The following OTOGL variants were observed in gnomAD, a reference collection of about 807,000 sequenced individuals.
OTOGL encodes the protein otogelin like.
OTOGL carries 285 observed loss-of-function variants against 318.5 expected under a neutral mutation model. The observed-to-expected ratio is 0.89, with a 90% CI of 0.81 to 0.99. The LOEUF (loss-of-function observed/expected upper bound fraction) is 0.99. Ranked by LOEUF, OTOGL falls within the 50% of genes least tolerant of loss-of-function variation. The probability of loss-of-function intolerance (pLI) is 0.00; values close to 1 mark genes in which losing one functional copy is unlikely to be tolerated. For missense variants in OTOGL, 2,899 were observed against 2,845.6 expected (o/e 1.02, Z -0.43); for synonymous variants, 987 against 936.5 (o/e 1.05, Z -0.99).
At chr12:80,115,507 A>G (rs1316434187) in intron 1 of OTOGL, among the ~76,000 whole-genome samples, 1 of 152,008 alleles carries the variant, frequency 6.6e-6, no homozygotes, top group Non-Finnish European at 1.5e-5. Flanking sequence ...GTGTCTCCCC[A>G]TCAGTAGGCA....
chr12:80,229,395 A>G lies in OTOGL; in HGVS notation c.611+17A>G, dbSNP rs1231910679. 1 of 1,588,798 alleles carries G rather than the reference A, an allele frequency of 6.3e-7. No individual in the cohort carries two copies. Among genetic ancestry groups the G allele is most frequent in the African/African-American group, 1.3e-5 (1 of 74,668 alleles). On this transcript the variant is annotated intron_variant, in intron 8 of 58. Transcript: ENST00000547103. ...TGGAATCAGGTAGGATATGGGAAAC[A>G]GTGAAATGTCAGTAACACCACAAAT...
intron 32 of OTOGL, among the ~76,000 whole-genome samples, chr12:80,315,101 T>C (rs1245108514): frequency 3.3e-5 from 5 of 152,180 alleles, no homozygotes; most frequent in Non-Finnish European, 4.4e-5. Context: ...AAAGGGCAGA[T>C]GTTGGTCAAA....
At chr12:80,262,229 A>ATT (rs557089482) in intron 19 of OTOGL, 136 bp downstream of exon 19, 16 of 872,468 alleles carry the variant, frequency 1.8e-5, no homozygotes, top group African/African-American at 7.2e-5. Flanking sequence ...TTCCTCGTGT[A>ATT]TTTTTTTTTT....
chr12:80,184,324 A>T (rs1875135889), intron 1 of OTOGL, among the ~76,000 whole-genome samples: 1 of 152,226 alleles, frequency 6.6e-6, no homozygotes, highest in Non-Finnish European at 1.5e-5. Flanking sequence ...GTGTTAACAC[A>T]TCACTTTAAT....
chr12:80,323,706 A>G lies in OTOGL; in HGVS notation c.4082-17A>G, dbSNP rs752107819. The G allele has an allele frequency of 5.1e-6, 8 of 1,580,052 alleles. No individual in the cohort carries two copies. The Admixed American group carries it at 1.3e-4, about 27-fold the overall frequency. On this transcript the variant is annotated splice_polypyrimidine_tract_variant and intron_variant, in intron 34 of 58. Coordinates refer to ENST00000547103, the MANE Select transcript of OTOGL (RefSeq NM_001378609.3). ...TGTATTAAATATGCACACAATCTAA[A>G]CTTTATTTTTTCCCAGAAATCCAGG...
In OTOGL at chr12:80,370,602, A is replaced by C. The variant is rs759741852; in HGVS notation, c.6648A>C (p.Thr2216=). The C allele has an allele frequency of 1.5e-5, 24 of 1,579,546 alleles. No homozygotes were observed. Among genetic ancestry groups the C allele is most frequent in the Non-Finnish European group, 2.0e-5 (23 of 1,162,150 alleles). Reference sequence around the variant, plus strand: ...GTACCTGGCACTACAATTGCACCACATATGAATGTGTTAAAACTGATGAAG... The same window carrying C: ...GTACCTGGCACTACAATTGCACCACCTATGAATGTGTTAAAACTGATGAAG... ...VGSTWHYNCT[T]YECVKTDEGA... Residue 2216 remains threonine, a synonymous_variant, in exon 56 of 59, where the codon ACA becomes ACC. Transcript: ENST00000547103.
intron 1 of OTOGL, among the ~76,000 whole-genome samples, chr12:80,175,239 A>T (rs1874454383): frequency 6.6e-6 from 1 of 152,224 alleles, no homozygotes; most frequent in African/African-American, 2.4e-5. Context: ...ATTTATAAAA[A>T]TTAAGGCTTT....
At chr12:80,138,986 A>G (rs1367098213) in intron 1 of OTOGL, among the ~76,000 whole-genome samples, 3 of 152,140 alleles carry the variant, frequency 2.0e-5, no homozygotes, top group Non-Finnish European at 4.4e-5. Context: ...GTCCTTTTGT[A>G]CTGCAGAGAT....
At chr12:80,138,800 A>C (rs1317563474) in intron 1 of OTOGL, among the ~76,000 whole-genome samples, 2 of 152,186 alleles carry the variant, frequency 1.3e-5, no homozygotes, top group African/African-American at 2.4e-5. Flanking sequence ...AGAGGGGTAA[A>C]ATTAATATTG....
At chr12:80,108,209 T>C (rs1869571825) in intron 1 of OTOGL, among the ~76,000 whole-genome samples, 1 of 152,172 alleles carries the variant, frequency 6.6e-6, no homozygotes, top group Non-Finnish European at 1.5e-5. Context: ...GAACTGGCTT[T>C]AGAACATTGG....
At chr12:80,313,274 G>A (rs1886755218) in intron 30 of OTOGL, among the ~76,000 whole-genome samples, 1 of 151,970 alleles carries the variant, frequency 6.6e-6, no homozygotes, top group Non-Finnish European at 1.5e-5. Flanking sequence ...TATTTCTTTT[G>A]CTAGTTCTTT....
chr12:80,361,924 A>G (rs7310019), intron 52 of OTOGL, among the ~76,000 whole-genome samples: 151,686 of 152,306 alleles, frequency 1, 75,538 homozygotes, highest in Non-Finnish European at 1. Context: ...CTCTCACTCT[A>G]TAGGTTGTCT....
At chr12:80,114,357 C>T (rs1301403107) in intron 1 of OTOGL, among the ~76,000 whole-genome samples, 1 of 152,094 alleles carries the variant, frequency 6.6e-6, no homozygotes, top group Non-Finnish European at 1.5e-5. Context: ...GATTTTATTT[C>T]TTCTTCTCTT....
chr12:80,340,978 T>A (rs918028275), intron 43 of OTOGL, among the ~76,000 whole-genome samples: 1 of 148,824 alleles, frequency 6.7e-6, no homozygotes, highest in African/African-American at 2.5e-5. Flanking sequence ...CGTAGTACCC[T>A]GTGTATTTAC....
chr12:80,165,617 G>A (rs1873780954), intron 1 of OTOGL, among the ~76,000 whole-genome samples: 1 of 152,232 alleles, frequency 6.6e-6, no homozygotes, highest in African/African-American at 2.4e-5. Context: ...TTGATTGGAT[G>A]CACCAGTAAG....
chr12:80,159,863 T>C (rs1003587528), intron 1 of OTOGL, among the ~76,000 whole-genome samples: 3 of 151,932 alleles, frequency 2.0e-5, no homozygotes, highest in African/African-American at 7.2e-5. Flanking sequence ...TATAAGGCCA[T>C]AGTCACCAAA....
chr12:80,301,462 T>C (rs1885755261), intron 27 of OTOGL, among the ~76,000 whole-genome samples: 1 of 152,248 alleles, frequency 6.6e-6, no homozygotes, highest in Non-Finnish European at 1.5e-5. Context: ...TTACTCTGGA[T>C]AACTTGGTTG....
At chr12:80,243,156 GA>G (rs1331939480) in intron 11 of OTOGL, among the ~76,000 whole-genome samples, 1 of 151,826 alleles carries the variant, frequency 6.6e-6, no homozygotes, top group Non-Finnish European at 1.5e-5. Context: ...CCTAAACAAA[GA>G]AAAATTCTTG....
intron 1 of OTOGL, chr12:80,102,835 C>A: frequency 2.9e-6 from 2 of 683,600 alleles, no homozygotes; most frequent in East Asian, 2.5e-5. Context: ...GAGCTCTAGT[C>A]ATAAGGCTCT....
Sources: gnomAD v4.1 joint callset for allele counts (sites outside exome capture counted in the v4.1 genomes callset) on GRCh38, gnomAD v4.1.1 for gene constraint, MANE v1.5 for transcripts, NCBI Gene and HGNC (gene_info 2026-07-23, HGNC 2026-07-21) for gene names.